RBL2: variants seen among roughly 807,000 people sequenced by gnomAD.
RBL2 encodes RB transcriptional corepressor like 2.
RBL2 carries 56 observed loss-of-function variants against 126.0 expected under a neutral mutation model. That is an observed-to-expected ratio of 0.44 (90% CI 0.36 to 0.56). The LOEUF (loss-of-function observed/expected upper bound fraction) is 0.56. RBL2 is among the 20% of genes least tolerant of loss of function. The pLI, the probability that RBL2 is intolerant of heterozygous loss-of-function variation, is 0.00. For missense variants in RBL2, 1,229 were observed against 1,398.2 expected (o/e 0.88, Z 1.93); for synonymous variants, 454 against 478.5 (o/e 0.95, Z 0.67).
At chr16:53,434,847 G>A in intron 1 of RBL2, 51 bp downstream of exon 1, 2 of 1,421,574 alleles carry the variant, frequency 1.4e-6, no homozygotes, top group Non-Finnish European at 1.8e-6. Context: ...GTGAACCGGT[G>A]CCTTCCGAGC....
At chr16:53,442,580 AT>A in intron 2 of RBL2, 77 bp from the exon 3 acceptor site, 1 of 1,062,504 alleles carries the variant, frequency 9.4e-7, no homozygotes, top group South Asian at 1.5e-5. Context: ...GATAATATTG[AT>A]TTACTTTTGA....
chr16:53,450,501 TTAAC>T (rs1315104963), intron 4 of RBL2, among the ~76,000 whole-genome samples: 3 of 152,200 alleles, frequency 2.0e-5, no homozygotes, highest in African/African-American at 4.8e-5. Context: ...TGTGCAGTGT[TTAAC>T]TAAAAAAGGA....
intron 1 of RBL2, chr16:53,435,572 C>T: frequency 1.6e-6 from 2 of 1,228,328 alleles, no homozygotes; most frequent in East Asian, 5.7e-5. Context: ...GCTTTGTATG[C>T]ACCTCCCCTT....
chr16:53,458,641 C>T (rs578235119), intron 8 of RBL2, among the ~76,000 whole-genome samples: 32 of 152,238 alleles, frequency 2.1e-4, no homozygotes, highest in Non-Finnish European at 1.5e-4. Flanking sequence ...AAGACATGCC[C>T]AAAACTGGGA....
chr16:53,458,239 G>T (rs910468853), intron 8 of RBL2, among the ~76,000 whole-genome samples: 4 of 152,148 alleles, frequency 2.6e-5, no homozygotes, highest in African/African-American at 9.7e-5. Context: ...GTTTTGCTAG[G>T]TTTTTTAAAA....
chr16:53,487,471 A>C (rs902582395), intron 21 of RBL2: 3 of 152,238 alleles, frequency 2.0e-5, no homozygotes, highest in African/African-American at 7.2e-5. Flanking sequence ...ATGGTGCTGG[A>C]ACAATTGGAT....
Position 53,434,617 on chromosome 16 carries a change from T to C in RBL2, c.61T>C (p.Ser21Pro). 1 of 1,554,680 alleles carries C rather than the reference T, an allele frequency of 6.4e-7. No individual in the cohort carries two copies. The highest frequency in any genetic ancestry group is 1.2e-5 in the South Asian group (1 of 85,606). The part of the protein sequence containing the change: ...PPPPPPAAAA[S>P]DEEEEDDGEA... ...GCCTCCCCCTCCGGCGGCGGCAGCC[T>C]CGGATGAGGAGGAGGAGGACGACGG... Residue 21 changes from serine to proline, a missense_variant, in exon 1 of 22, where the codon TCG becomes CCG. This residue lies in a region of RBL2 where 159 missense variants were observed against 123.9 expected (regional missense o/e 1.28). Transcript: ENST00000262133.
In RBL2 at chr16:53,462,161, G is replaced by T. The variant is rs150912354; in HGVS notation, c.1456+311G>T. On this transcript the variant is annotated intron_variant, in intron 10 of 21. Coordinates refer to ENST00000262133, the MANE Select transcript of RBL2 (RefSeq NM_005611.4). Reference sequence around the variant, plus strand: ...CAACATATTGAGAATAAGGACAGGAGATATCACTGTTATGGGCCCAAACCT... The same window carrying T: ...CAACATATTGAGAATAAGGACAGGATATATCACTGTTATGGGCCCAAACCT... Among the ~76,000 whole-genome samples, 1,151 of 152,262 alleles carry T rather than the reference G, an allele frequency of 7.6e-3. 21 individuals carry two copies. Among genetic ancestry groups the T allele is most frequent in the African/African-American group, 0.027 (1,105 of 41,542 alleles).
In RBL2 at chr16:53,477,430, CG is replaced by C. The variant is rs1462364549; in HGVS notation, c.2704-1721del. On this transcript the variant is annotated intron_variant, in intron 17 of 21. Transcript: ENST00000262133. ...TCAACTCACTGTAACCTCTGCCTCC[CG>C]GGCTCAAATGATCCTTCTGCCTCAG... Among the ~76,000 whole-genome samples the C allele has an allele frequency of 5.3e-5, 8 of 152,264 alleles. No individual in the cohort carries two copies. In the East Asian group the frequency reaches 1.5e-3, roughly 29 times the overall value.
rs577382670 is a variant in RBL2 at position 53,452,277 on chromosome 16, T to A, written c.766+446T>A. 2.6e-5 allele frequency among the ~76,000 whole-genome samples: 4 copies of A among 152,330 alleles called. No homozygotes were observed. In the South Asian group the frequency reaches 8.3e-4, roughly 32 times the overall value. ...AACTTTCATCTTTTAAACTAACAGA[T>A]ATATGGAAATGATGATTTTGGCATT... On this transcript the variant is annotated intron_variant, in intron 5 of 21. Coordinates refer to ENST00000262133, the MANE Select transcript of RBL2 (RefSeq NM_005611.4).
At chr16:53,439,190 G>T in intron 2 of RBL2, 44 bp downstream of exon 2, 1 of 1,466,524 alleles carries the variant, frequency 6.8e-7, no homozygotes, top group Non-Finnish European at 9.1e-7. Context: ...GCTAATGTAA[G>T]CTCATAAATC....
At chr16:53,480,055 A>C (rs1384263808) in intron 19 of RBL2, 64 bp downstream of exon 19, 9 of 1,048,692 alleles carry the variant, frequency 8.6e-6, no homozygotes, top group Non-Finnish European at 1.1e-5. Context: ...TTAGGCCTTG[A>C]AGAAGTAACT....
At chr16:53,440,994 C>CT (rs1310034672) in intron 2 of RBL2, among the ~76,000 whole-genome samples, 1 of 119,602 alleles carries the variant, frequency 8.4e-6, no homozygotes, top group Non-Finnish European at 1.6e-5. Flanking sequence ...GAGTCTCACT[C>CT]TGCTGCCCAG....
intron 17 of RBL2, among the ~76,000 whole-genome samples, chr16:53,474,426 C>G (rs1044421837): frequency 1.3e-5 from 2 of 152,216 alleles, no homozygotes; most frequent in Non-Finnish European, 2.9e-5. Flanking sequence ...AAGCAATTCT[C>G]CTGCCTCAGC....
At position 53,470,624 on chromosome 16, in the gene RBL2, AC is replaced by A; in HGVS notation, c.2490del (p.Arg831GlyfsTer16). On this transcript the variant is annotated frameshift_variant, in exon 16 of 22. Transcript: ENST00000262133. LOFTEE classifies it high-confidence loss of function. ...GQSVTSSSNR[P>X]RKTSSLSLFF... ...AGTCTGTAACCAGCAGTAGTAATAG[AC>A]CCAGGAAGACCAGCTCTTTATCGCT... 6.2e-7 allele frequency: 1 copy of A among 1,614,170 alleles called. No homozygotes were observed. The highest frequency in any genetic ancestry group is 8.5e-7 in the Non-Finnish European group (1 of 1,180,026).
intron 21 of RBL2, among the ~76,000 whole-genome samples, chr16:53,483,579 A>T (rs545468928): frequency 6.6e-6 from 1 of 151,790 alleles, no homozygotes; most frequent in Non-Finnish European, 1.5e-5. Flanking sequence ...AAACAAGAAC[A>T]GCAAAAATCT....
intron 5 of RBL2, among the ~76,000 whole-genome samples, chr16:53,452,979 AT>A (rs576649828): frequency 1.5e-3 from 225 of 152,174 alleles, no homozygotes; most frequent in African/African-American, 5.0e-3. Context: ...TACCTCTTTT[AT>A]TTTTATTTGA....
In RBL2 at chr16:53,490,332, A is replaced by C; in HGVS notation, c.*32A>C. On this transcript the variant is annotated 3_prime_UTR_variant, in exon 22 of 22. Transcript: ENST00000262133. ...TCTCTTGTATTAAACTCTTCACAAAATCTGTTTAGCAGCAGCCTTTAATGC... is the reference window on the plus strand; with the variant it reads ...TCTCTTGTATTAAACTCTTCACAAACTCTGTTTAGCAGCAGCCTTTAATGC... 6.6e-7 allele frequency: 1 copy of C among 1,524,868 alleles called. No homozygotes were observed. Among genetic ancestry groups the C allele is most frequent in the Non-Finnish European group, 8.9e-7 (1 of 1,124,806 alleles). The allele number at this position is 1,524,868 out of a possible 1,614,324, so 94.5% of individuals were successfully genotyped here. A position where few individuals can be genotyped will look rare whatever the true frequency, so the allele number is the denominator to read the frequency against.
chr16:53,480,163 G>A (rs564350527), intron 19 of RBL2, 172 bp downstream of exon 19: 91 of 571,000 alleles, frequency 1.6e-4, no homozygotes, highest in African/African-American at 1.1e-3. Flanking sequence ...ACATAGCTTT[G>A]GGGCACATAT....
Sources: allele counts gnomAD v4.1 joint callset (sites outside exome capture counted in the v4.1 genomes callset), GRCh38; gene constraint gnomAD v4.1.1; regional missense constraint gnomAD v4.1.1; transcripts MANE v1.5; gene names NCBI Gene and HGNC (gene_info 2026-07-23, HGNC 2026-07-21).